Variants in BMPER observed in about 807,000 individuals in gnomAD.
The protein encoded by BMPER is BMP binding endothelial regulator.
In BMPER, 45 loss-of-function variants were observed where a neutral mutation model predicts 87.3. The observed-to-expected ratio is 0.52, with a 90% confidence interval of 0.41 to 0.66. The LOEUF (loss-of-function observed/expected upper bound fraction) is 0.66, where lower values mean the gene tolerates loss of function less well. Among genes scored for constraint, BMPER ranks in the 30% least tolerant of loss-of-function variants. BMPER has a pLI of 0.00. For synonymous variants in BMPER, 326 were observed against 316.2 expected (o/e 1.03, Z -0.33); for missense variants, 784 against 867.5 (o/e 0.90, Z 1.21).
chr7:33,917,873 C>T (rs1784124758), intron 2 of BMPER, among the ~76,000 whole-genome samples: 1 of 152,160 alleles, frequency 6.6e-6, no homozygotes, highest in Non-Finnish European at 1.5e-5. Flanking sequence ...CTACTGGCCT[C>T]TTTGGCTGTG....
intron 13 of BMPER, among the ~76,000 whole-genome samples, chr7:34,097,214 G>T (rs937013098): frequency 6.6e-4 from 100 of 152,294 alleles, no homozygotes; most frequent in African/African-American, 2.3e-3. Context: ...AGAGAACAAA[G>T]GAAAATATTC....
chr7:34,094,280 T>C (rs1789469045), intron 13 of BMPER, among the ~76,000 whole-genome samples: 1 of 152,214 alleles, frequency 6.6e-6, no homozygotes, highest in Admixed American at 6.5e-5. Context: ...CTTCAGAAAA[T>C]CATTGCCTAG....
intron 9 of BMPER, among the ~76,000 whole-genome samples, chr7:34,056,318 G>C (rs1788283126): frequency 6.6e-6 from 1 of 152,104 alleles, no homozygotes; most frequent in Non-Finnish European, 1.5e-5. Context: ...TGGGTTGATA[G>C]GTGGAGTAAA....
chr7:34,049,572 A>C (rs962836032), intron 7 of BMPER, among the ~76,000 whole-genome samples: 1 of 152,172 alleles, frequency 6.6e-6, no homozygotes, highest in South Asian at 2.1e-4. Context: ...CTGCAGAAAC[A>C]ATGTGGAGCT....
intron 13 of BMPER, among the ~76,000 whole-genome samples, chr7:34,129,805 T>G (rs999367747): frequency 6.6e-6 from 1 of 152,152 alleles, no homozygotes. Context: ...TTGTCCCTTG[T>G]CTGGAGTCTT....
At chr7:34,077,233 G>A (rs182795915) in intron 11 of BMPER, among the ~76,000 whole-genome samples, 112 of 152,290 alleles carry the variant, frequency 7.4e-4, no homozygotes, top group Admixed American at 2.5e-3. Context: ...ATCACATGGA[G>A]AAAGGACTGA....
chr7:34,068,195 A>G (rs1244152212), intron 11 of BMPER, among the ~76,000 whole-genome samples: 1 of 152,222 alleles, frequency 6.6e-6, no homozygotes, highest in Non-Finnish European at 1.5e-5. Context: ...TGTTAGCTCC[A>G]TTTTACAGTT....
rs1314024245 is a variant in BMPER at position 33,971,055 on chromosome 7, T to G, written c.493+636T>G. Among the ~76,000 whole-genome samples the G allele has an allele frequency of 2.6e-5, 4 of 152,232 alleles. No homozygotes were observed. In the South Asian group the frequency reaches 8.3e-4, roughly 31 times the overall value. On this transcript the variant is annotated intron_variant, in intron 5 of 14. Coordinates refer to ENST00000649409, the MANE Select transcript of BMPER (RefSeq NM_001365308.1). ...GCTTTTGAGGTGAGAGATTTTTTTC[T>G]GATCTCTTAAGCCACTGGCCAATAA...
intron 6 of BMPER, among the ~76,000 whole-genome samples, chr7:33,982,713 G>T (rs906220295): frequency 1.3e-5 from 2 of 152,162 alleles, no homozygotes; most frequent in African/African-American, 4.8e-5. Flanking sequence ...TAATGCCATT[G>T]TCATTAGATT....
chr7:33,977,657 G>T (rs564863203), intron 6 of BMPER, among the ~76,000 whole-genome samples: 56 of 152,106 alleles, frequency 3.7e-4, no homozygotes, highest in African/African-American at 1.0e-3. Flanking sequence ...GATATATATA[G>T]AGAGAAATAT....
chr7:34,071,909 C>T (rs1276747223), intron 11 of BMPER, among the ~76,000 whole-genome samples: 1 of 152,174 alleles, frequency 6.6e-6, no homozygotes, highest in East Asian at 1.9e-4. Flanking sequence ...CTATGAACCT[C>T]TGCATTTGAG....
chr7:33,959,121 A>G (rs926164394), intron 3 of BMPER, among the ~76,000 whole-genome samples: 1 of 152,140 alleles, frequency 6.6e-6, no homozygotes, highest in African/African-American at 2.4e-5. Flanking sequence ...ACTTCTTTTC[A>G]TTACACATTA....
intron 13 of BMPER, among the ~76,000 whole-genome samples, chr7:34,112,788 T>C (rs766027690): frequency 4.0e-5 from 6 of 151,894 alleles, no homozygotes; most frequent in Admixed American, 1.3e-4. Flanking sequence ...TTAGAACTTA[T>C]TGTGCACCGA....
chr7:34,122,236 A>G (rs1353029179), intron 13 of BMPER, among the ~76,000 whole-genome samples: 2 of 152,178 alleles, frequency 1.3e-5, no homozygotes, highest in African/African-American at 4.8e-5. Context: ...ATTCTGCTTG[A>G]ATAGGTCTGG....
At chr7:33,931,145 C>A (rs1298198804) in intron 2 of BMPER, among the ~76,000 whole-genome samples, 1 of 152,210 alleles carries the variant, frequency 6.6e-6, no homozygotes. Flanking sequence ...TGGCAGGAGA[C>A]CTCGCCTGTT....
chr7:33,912,207 C>T (rs1783983063), intron 2 of BMPER, among the ~76,000 whole-genome samples: 1 of 152,156 alleles, frequency 6.6e-6, no homozygotes, highest in South Asian at 2.1e-4. Context: ...ATCTCTATGC[C>T]TGTGGGGTCA....
intron 6 of BMPER, among the ~76,000 whole-genome samples, chr7:34,005,034 A>G (rs1786687792): frequency 6.6e-6 from 1 of 152,144 alleles, no homozygotes; most frequent in Non-Finnish European, 1.5e-5. Context: ...AGTAGCTGCA[A>G]TATTAAACAA....
At chr7:34,129,863 T>C (rs1790534717) in intron 13 of BMPER, among the ~76,000 whole-genome samples, 1 of 152,224 alleles carries the variant, frequency 6.6e-6, no homozygotes, top group Non-Finnish European at 1.5e-5. Flanking sequence ...TTCTGCCTGC[T>C]TCTTTGCTAG....
At chr7:33,994,242 T>G (rs1051062299) in intron 6 of BMPER, among the ~76,000 whole-genome samples, 35 of 152,308 alleles carry the variant, frequency 2.3e-4, no homozygotes, top group African/African-American at 8.4e-4. Flanking sequence ...TGCAGTGTGA[T>G]CTCAGACTGC....
Sources: gnomAD v4.1 joint callset for allele counts (sites outside exome capture counted in the v4.1 genomes callset) on GRCh38, gnomAD v4.1.1 for gene constraint, MANE v1.5 for transcripts, NCBI Gene and HGNC (gene_info 2026-07-23, HGNC 2026-07-21) for gene names.